Variants in MAML2 observed in about 807,000 individuals in gnomAD.
MAML2 encodes mastermind like transcriptional coactivator 2.
Under a neutral mutation model 96.1 loss-of-function variants are expected in MAML2, and 22 were observed. The observed-to-expected ratio is 0.23, with a 90% CI of 0.16 to 0.33. The LOEUF (loss-of-function observed/expected upper bound fraction) is 0.33. Among genes scored for constraint, MAML2 ranks in the 10% least tolerant of loss-of-function variants. The pLI is 1.00. For synonymous variants in MAML2, 561 were observed against 521.3 expected (o/e 1.08, Z -1.04); for missense variants, 1,367 against 1,392.4 (o/e 0.98, Z 0.29).
intron 1 of MAML2, among the ~76,000 whole-genome samples, chr11:96,196,217 A>G (rs868770943): frequency 2.0e-5 from 3 of 152,206 alleles, no homozygotes; most frequent in African/African-American, 7.2e-5. Context: ...GGAGGATACA[A>G]TGAGATCATT....
At chr11:96,130,254 T>C (rs926244857) in intron 1 of MAML2, among the ~76,000 whole-genome samples, 5 of 152,216 alleles carry the variant, frequency 3.3e-5, no homozygotes, top group Non-Finnish European at 5.9e-5. Flanking sequence ...AGGATCCACC[T>C]GCTTCACTAA....
chr11:95,984,975 A>G (rs111546857), intron 4 of MAML2, among the ~76,000 whole-genome samples: 4,469 of 152,292 alleles, frequency 0.029, 97 homozygotes, highest in South Asian at 0.088. Context: ...TTTTGTACTT[A>G]CCATTTATTT....
At chr11:96,132,025 A>G (rs1276747896) in intron 1 of MAML2, among the ~76,000 whole-genome samples, 1 of 152,122 alleles carries the variant, frequency 6.6e-6, no homozygotes, top group Non-Finnish European at 1.5e-5. Flanking sequence ...ATAAAAATAT[A>G]CTAAAAAGCC....
chr11:96,115,044 G>A (rs1860210764), intron 1 of MAML2, among the ~76,000 whole-genome samples: 1 of 152,170 alleles, frequency 6.6e-6, no homozygotes, highest in South Asian at 2.1e-4. Context: ...GGAAGTTCAT[G>A]GGCTGGCATA....
intron 3 of MAML2, among the ~76,000 whole-genome samples, chr11:95,988,795 C>A (rs1565182086): frequency 6.6e-6 from 1 of 151,922 alleles, no homozygotes; most frequent in Non-Finnish European, 1.5e-5. Context: ...CTATTCTGTG[C>A]AAGTGTAAAC....
chr11:96,099,877 C>G (rs115137477), intron 1 of MAML2, among the ~76,000 whole-genome samples: 3,095 of 152,178 alleles, frequency 0.02, 110 homozygotes, highest in African/African-American at 0.07. Context: ...TGGGCTCTAG[C>G]AATCCTCCTG....
chr11:96,062,972 CT>C (rs1211223468), intron 2 of MAML2, among the ~76,000 whole-genome samples: 14 of 152,074 alleles, frequency 9.2e-5, no homozygotes, highest in Admixed American at 1.3e-4. Context: ...TTTTCAATGG[CT>C]TCCCATTGAT....
chr11:95,995,669 A>C (rs1857978317), intron 2 of MAML2, among the ~76,000 whole-genome samples: 1 of 152,192 alleles, frequency 6.6e-6, no homozygotes, highest in Non-Finnish European at 1.5e-5. Context: ...CTGTAAGTGT[A>C]CCTGGACTAC....
intron 1 of MAML2, among the ~76,000 whole-genome samples, chr11:96,201,585 C>A (rs1301005632): frequency 6.6e-6 from 1 of 152,110 alleles, no homozygotes; most frequent in Non-Finnish European, 1.5e-5. Flanking sequence ...AAAGCTTAGA[C>A]CAAGTGGAGT....
intron 1 of MAML2, among the ~76,000 whole-genome samples, chr11:96,133,976 G>A (rs1860585188): frequency 6.6e-6 from 1 of 151,782 alleles, no homozygotes. Flanking sequence ...CCTGAGCAAC[G>A]GAGCAAGACC....
intron 2 of MAML2, among the ~76,000 whole-genome samples, chr11:96,015,569 C>G (rs1329469902): frequency 2.0e-5 from 1 of 49,282 alleles, no homozygotes. Flanking sequence ...GCTAAGAAGG[C>G]AAAAAAAAAA....
At chr11:96,335,620 T>G (rs1863911181) in intron 1 of MAML2, among the ~76,000 whole-genome samples, 1 of 152,192 alleles carries the variant, frequency 6.6e-6, no homozygotes, top group Non-Finnish European at 1.5e-5. Flanking sequence ...ACTTAGGCAA[T>G]GCGCTGTGAG....
chr11:96,209,670 T>G (rs1461285611), intron 1 of MAML2, among the ~76,000 whole-genome samples: 1 of 152,148 alleles, frequency 6.6e-6, no homozygotes. Context: ...ACATACTGTA[T>G]TGGGCAGATA....
intron 1 of MAML2, among the ~76,000 whole-genome samples, chr11:96,164,518 T>G (rs1334028583): frequency 6.6e-6 from 1 of 152,200 alleles, no homozygotes; most frequent in Admixed American, 6.5e-5. Flanking sequence ...ACTGTTGCTA[T>G]TTAGGATTCT....
At chr11:96,194,295 G>A (rs556868699) in intron 1 of MAML2, among the ~76,000 whole-genome samples, 12 of 152,286 alleles carry the variant, frequency 7.9e-5, no homozygotes, top group African/African-American at 2.9e-4. Flanking sequence ...TTCAGTCCCA[G>A]TGTCTGAACT....
chr11:96,270,402 C>T (rs145278371), intron 1 of MAML2, among the ~76,000 whole-genome samples: 6,409 of 152,200 alleles, frequency 0.042, 441 homozygotes, highest in African/African-American at 0.15. Flanking sequence ...CTTTGCCTCC[C>T]GGGTTCAAGC....
chr11:96,248,238 G>A (rs1009531487), intron 1 of MAML2, among the ~76,000 whole-genome samples: 5 of 150,212 alleles, frequency 3.3e-5, no homozygotes, highest in Non-Finnish European at 5.9e-5. Context: ...TCAGCCTCCC[G>A]GGTAGCTGGG....
At chr11:96,291,694 G>T (rs1325768103) in intron 1 of MAML2, among the ~76,000 whole-genome samples, 1 of 152,102 alleles carries the variant, frequency 6.6e-6, no homozygotes, top group African/African-American at 2.4e-5. Context: ...GTGTGATATT[G>T]TATATGCACA....
chr11:96,125,796 T>G (rs1860429064), intron 1 of MAML2, among the ~76,000 whole-genome samples: 2 of 152,202 alleles, frequency 1.3e-5, no homozygotes, highest in Admixed American at 1.3e-4. Context: ...GCTTTTTTTG[T>G]ACAGCATTAG....
Sources: allele counts gnomAD v4.1 joint callset (sites outside exome capture counted in the v4.1 genomes callset), GRCh38; gene constraint gnomAD v4.1.1; transcripts MANE v1.5; gene names NCBI Gene and HGNC (gene_info 2026-07-23, HGNC 2026-07-21).